The following ATF7IP2 variants were observed in gnomAD, a reference collection of about 807,000 sequenced individuals.
ATF7IP2 encodes the protein activating transcription factor 7 interacting protein 2.
ATF7IP2 carries 42 observed loss-of-function variants against 64.2 expected under a neutral mutation model. The ratio of observed to expected loss-of-function variants is 0.65; its 90% CI spans 0.51 to 0.85. The LOEUF is 0.85. Among genes scored for constraint, ATF7IP2 ranks in the 40% least tolerant of loss-of-function variants. The pLI is 0.00. For missense variants in ATF7IP2, 933 were observed against 784.2 expected, an observed-to-expected ratio of 1.19 and a Z score of -2.27; for synonymous variants, 308 against 272.8, an observed-to-expected ratio of 1.13 and a Z score of -1.27.
At position 10,396,562 on chromosome 16, in the gene ATF7IP2, G is replaced by T. The variant is rs897045281; in HGVS notation, c.-242+10440G>T. On this transcript the variant is annotated intron_variant, in intron 1 of 13. Transcript: ENST00000562102. ...TTTCGAGATGGAATCTTGCTCTGTGGCCCAGGCTGGAGTGCAGTGGCATGA... is the reference window on the plus strand; with the variant it reads ...TTTCGAGATGGAATCTTGCTCTGTGTCCCAGGCTGGAGTGCAGTGGCATGA... 2.0e-5 allele frequency among the ~76,000 whole-genome samples: 3 copies of T among 151,906 alleles called. No homozygotes were observed. The East Asian group carries it at 5.8e-4, about 29-fold the overall frequency.
At chr16:10,399,424 C>T (rs1173800454) in intron 1 of ATF7IP2, among the ~76,000 whole-genome samples, 1 of 152,186 alleles carries the variant, frequency 6.6e-6, no homozygotes, top group Non-Finnish European at 1.5e-5. Context: ...GTTTTCCCAG[C>T]ACCATTTATT....
chr16:10,457,689 G>C, intron 9 of ATF7IP2, 160 bp downstream of exon 9: 1 of 518,780 alleles, frequency 1.9e-6, no homozygotes, highest in Non-Finnish European at 3.0e-6. Context: ...AGTTGTGGGG[G>C]TTTTTTTTTG....
chr16:10,434,758 T>C (rs116333900), intron 6 of ATF7IP2, among the ~76,000 whole-genome samples: 4 of 152,288 alleles, frequency 2.6e-5, no homozygotes, highest in African/African-American at 9.6e-5. Context: ...CAGCTGTGTC[T>C]TGTTTCCAGT....
chr16:10,444,442 A>G (rs1369808388), intron 8 of ATF7IP2, among the ~76,000 whole-genome samples: 1 of 152,104 alleles, frequency 6.6e-6, no homozygotes, highest in African/African-American at 2.4e-5. Context: ...TGAGGACGTA[A>G]TCTCCAGATT....
intron 8 of ATF7IP2, chr16:10,446,700 CA>C (rs1466957324): frequency 1.3e-5 from 2 of 152,136 alleles, no homozygotes; most frequent in East Asian, 3.9e-4. Context: ...ATTATCTTTC[CA>C]TATTTTAACA....
rs896933566 is a variant in ATF7IP2 at position 10,430,987 on chromosome 16, A to G, written c.367A>G (p.Thr123Ala). Residue 123 changes from threonine (T) to alanine (A), a missense_variant, in exon 5 of 14, where the codon ACA becomes GCA. Thr to Ala is a moderately conservative substitution (Grantham distance 58). Coordinates refer to ENST00000562102, the MANE Select transcript of ATF7IP2 (RefSeq NM_001393719.1). ...VCSYQKPSRTTESPSRVFTEE... is the reference protein window; with the variant it reads ...VCSYQKPSRTAESPSRVFTEE... ...TTCGTACCAAAAGCCAAGTAGAACA[A>G]CAGAATCCCCCAGCAGAGTCTTCAC... 3.7e-6 allele frequency: 6 copies of G among 1,614,082 alleles called. No homozygotes were observed. The African/African-American group carries it at 6.7e-5, about 18-fold the overall frequency.
chr16:10,466,546 T>G (rs1361590149), intron 9 of ATF7IP2, among the ~76,000 whole-genome samples: 3 of 152,180 alleles, frequency 2.0e-5, no homozygotes, highest in Non-Finnish European at 2.9e-5. Context: ...TGGTATCTCT[T>G]TCTTTTTAGC....
intron 8 of ATF7IP2, chr16:10,446,407 G>C (rs1410811328): frequency 6.6e-6 from 1 of 152,170 alleles, no homozygotes; most frequent in Admixed American, 6.5e-5. Flanking sequence ...GATGAGGTGT[G>C]ATTACAACCA....
intron 2 of ATF7IP2, among the ~76,000 whole-genome samples, chr16:10,417,884 A>T (rs148009847): frequency 5.3e-3 from 805 of 152,324 alleles, no homozygotes; most frequent in Non-Finnish European, 8.0e-3. Context: ...TTTGTTTTTT[A>T]TGAGGGTGTC....
At chr16:10,462,398 G>GA (rs895845870) in intron 9 of ATF7IP2, among the ~76,000 whole-genome samples, 1 of 151,822 alleles carries the variant, frequency 6.6e-6, no homozygotes, top group African/African-American at 2.4e-5. Context: ...TTTTGCTTAG[G>GA]AAAAATGCCA....
chr16:10,480,792 C>T, intron 12 of ATF7IP2, 87 bp from the exon 13 acceptor site: 1 of 874,462 alleles, frequency 1.1e-6, no homozygotes. Context: ...CATTTAATTA[C>T]CACCAAAGAT....
chr16:10,419,204 G>C (rs1443978469), intron 2 of ATF7IP2, among the ~76,000 whole-genome samples: 1 of 152,206 alleles, frequency 6.6e-6, no homozygotes, highest in Non-Finnish European at 1.5e-5. Flanking sequence ...CTGTGTCATA[G>C]AATGATTACA....
At chr16:10,479,795 C>T (rs902139944) in intron 12 of ATF7IP2, among the ~76,000 whole-genome samples, 2 of 151,948 alleles carry the variant, frequency 1.3e-5, no homozygotes, top group Admixed American at 1.3e-4. Context: ...GAGATACCAT[C>T]TCATGCCTGT....
intron 8 of ATF7IP2, among the ~76,000 whole-genome samples, chr16:10,452,726 G>A (rs2049025732): frequency 6.6e-6 from 1 of 152,190 alleles, no homozygotes; most frequent in Admixed American, 6.5e-5. Flanking sequence ...CTGTCCCAGG[G>A]AGATGGGGGG....
intron 6 of ATF7IP2, among the ~76,000 whole-genome samples, chr16:10,436,646 C>G (rs1050889849): frequency 4.6e-5 from 7 of 152,158 alleles, no homozygotes; most frequent in Non-Finnish European, 1.0e-4. Context: ...AACGTAGGAA[C>G]TATGTGTTCT....
chr16:10,473,858 A>T (rs1055438168), intron 11 of ATF7IP2, 65 bp from the exon 12 acceptor site: 2 of 1,078,470 alleles, frequency 1.9e-6, no homozygotes, highest in Admixed American at 5.3e-5. Flanking sequence ...AAATGGTTTT[A>T]AATTTTTAAA....
At chr16:10,443,861 C>A (rs1322036118) in intron 8 of ATF7IP2, among the ~76,000 whole-genome samples, 3 of 152,116 alleles carry the variant, frequency 2.0e-5, no homozygotes, top group Non-Finnish European at 4.4e-5. Flanking sequence ...ATTGCTAGGA[C>A]TGACAATTAG....
chr16:10,424,138 A>G (rs914492252), intron 3 of ATF7IP2, among the ~76,000 whole-genome samples: 7 of 152,236 alleles, frequency 4.6e-5, no homozygotes, highest in Admixed American at 6.5e-5. Context: ...CACTCATGCT[A>G]TTGTTTGCAG....
At position 10,482,310 on chromosome 16, in the gene ATF7IP2, G is replaced by A. The variant is rs1596656579; in HGVS notation, c.*61G>A. 7.7e-7 allele frequency: 1 copy of A among 1,294,402 alleles called. No individual in the cohort carries two copies. Among genetic ancestry groups the A allele is most frequent in the Non-Finnish European group, 1.1e-6 (1 of 935,754 alleles). 80.2% of individuals were successfully genotyped at this position (1,294,402 alleles called of 1,614,324 possible). On this transcript the variant is annotated 3_prime_UTR_variant, in exon 14 of 14. Transcript: ENST00000562102. ...ATATTTGTTTGTTTGCAATGTTACT[G>A]TAATACTATTTGCCATTGTAAAAGG...
Sources: gnomAD v4.1 joint callset for allele counts (sites outside exome capture counted in the v4.1 genomes callset) on GRCh38, gnomAD v4.1.1 for gene constraint, MANE v1.5 for transcripts, NCBI Gene and HGNC (gene_info 2026-07-23, HGNC 2026-07-21) for gene names.